The following KCND3 variants were observed in gnomAD, a reference collection of about 807,000 sequenced individuals.
The protein encoded by KCND3 is A-type voltage-gated potassium channel KCND3.
In KCND3, 9 loss-of-function variants were observed where a neutral mutation model predicts 51.1. The ratio of observed to expected loss-of-function variants is 0.18; its 90% CI spans 0.11 to 0.31. KCND3 has a LOEUF of 0.31. Ranked by LOEUF, KCND3 falls within the 10% of genes least tolerant of loss-of-function variation. KCND3 has a pLI of 1.00. For synonymous variants in KCND3, 349 were observed against 368.0 expected, an observed-to-expected ratio of 0.95 and a Z score of 0.59; for missense variants, 526 against 903.8, an observed-to-expected ratio of 0.58 and a Z score of 5.36.
At chr1:111,805,735 G>A (rs555689913) in intron 2 of KCND3, among the ~76,000 whole-genome samples, 89 of 152,302 alleles carry the variant, frequency 5.8e-4, no homozygotes, top group African/African-American at 1.9e-3. Flanking sequence ...CTAGGGGAGC[G>A]CCTAAGGAGA....
At chr1:111,814,566 G>A (rs375519701) in intron 2 of KCND3, among the ~76,000 whole-genome samples, 1 of 152,242 alleles carries the variant, frequency 6.6e-6, no homozygotes, top group African/African-American at 2.4e-5. Context: ...TTAACTGAGC[G>A]ATGAGTAACT....
At chr1:111,901,847 A>G (rs964139094) in intron 2 of KCND3, among the ~76,000 whole-genome samples, 25 of 152,110 alleles carry the variant, frequency 1.6e-4, no homozygotes, top group African/African-American at 6.0e-4. Flanking sequence ...CCCCACCCCA[A>G]GGTTCCCAGG....
chr1:111,841,166 C>T (rs1011884341), intron 2 of KCND3, among the ~76,000 whole-genome samples: 3 of 152,238 alleles, frequency 2.0e-5, no homozygotes, highest in African/African-American at 7.2e-5. Flanking sequence ...CAATTCCTTT[C>T]TGTCCTGTGC....
intron 2 of KCND3, among the ~76,000 whole-genome samples, chr1:111,896,547 T>C (rs1489544732): frequency 2.6e-5 from 4 of 152,328 alleles, no homozygotes; most frequent in East Asian, 3.9e-4. Flanking sequence ...GGCTGGAGGC[T>C]ACCTGTCAGC....
At chr1:111,971,463 C>T (rs190284909) in intron 2 of KCND3, among the ~76,000 whole-genome samples, 1 of 152,274 alleles carries the variant, frequency 6.6e-6, no homozygotes, top group Non-Finnish European at 1.5e-5. Flanking sequence ...TGTTCATAGA[C>T]AGCACCAAAG....
chr1:111,815,786 T>G (rs1195027389), intron 2 of KCND3, among the ~76,000 whole-genome samples: 1 of 152,102 alleles, frequency 6.6e-6, no homozygotes, highest in Non-Finnish European at 1.5e-5. Flanking sequence ...GTTGTGGTTT[T>G]CTTTGACATA....
At chr1:111,876,242 C>T (rs1291745019) in intron 2 of KCND3, among the ~76,000 whole-genome samples, 2 of 152,210 alleles carry the variant, frequency 1.3e-5, no homozygotes, top group African/African-American at 4.8e-5. Context: ...CCTCAGTTTC[C>T]ACATCTGCAA....
chr1:111,850,345 C>G (rs1667754564), intron 2 of KCND3, among the ~76,000 whole-genome samples: 2 of 152,182 alleles, frequency 1.3e-5, no homozygotes, highest in African/African-American at 4.8e-5. Flanking sequence ...ACCCCCACCC[C>G]AGTGTGCTTG....
Position 111,860,657 on chromosome 1 carries a change from G to A in KCND3, c.1107-73551C>T, listed in dbSNP as rs1668297556. ...CTGTGAAATCATAGTGACAGTTCCA[G>A]TTTAGTTCCCAGGATGAGCCTGCGA... On this transcript the variant is annotated intron_variant, in intron 2 of 7. Transcript: ENST00000302127. Among the ~76,000 whole-genome samples the A allele has an allele frequency of 2.0e-5, 3 of 152,168 alleles. No individual in the cohort carries two copies. The South Asian group carries it at 6.2e-4, about 32-fold the overall frequency.
chr1:111,932,376 T>TG (rs1402654656), intron 2 of KCND3, among the ~76,000 whole-genome samples: 3 of 152,200 alleles, frequency 2.0e-5, no homozygotes, highest in Middle Eastern at 3.2e-3. Flanking sequence ...CTGGGTCTCT[T>TG]GGGTTTTGTT....
At chr1:111,816,102 T>A (rs903414678) in intron 2 of KCND3, among the ~76,000 whole-genome samples, 13 of 152,374 alleles carry the variant, frequency 8.5e-5, no homozygotes, top group African/African-American at 3.1e-4. Flanking sequence ...GATACTTCCA[T>A]GTTACAGATG....
At chr1:111,868,422 CAGTGCCT>C in intron 2 of KCND3, among the ~76,000 whole-genome samples, 1 of 152,272 alleles carries the variant, frequency 6.6e-6, no homozygotes, top group South Asian at 2.1e-4. Flanking sequence ...CACAAGAGTA[CAGTGCCT>C]AGTTTATAAA....
intron 2 of KCND3, among the ~76,000 whole-genome samples, chr1:111,947,776 G>A (rs553838487): frequency 6.6e-6 from 1 of 152,158 alleles, no homozygotes; most frequent in African/African-American, 2.4e-5. Context: ...AACCTATATC[G>A]GTAGACCAGC....
intron 2 of KCND3, among the ~76,000 whole-genome samples, chr1:111,932,340 T>TCCA (rs1175189129): frequency 6.6e-6 from 1 of 152,228 alleles, no homozygotes; most frequent in East Asian, 1.9e-4. Context: ...CTTAACCAGC[T>TCCA]CCACCCTCTT....
Position 111,981,243 on chromosome 1 carries a change from C to T in KCND3, c.1106+378G>A, listed in dbSNP as rs921368699. On this transcript the variant is annotated intron_variant, in intron 2 of 7. Transcript: ENST00000302127. The surrounding 1 kb of genome is among the most constrained non-coding windows in gnomAD (Gnocchi z 6.2). ...TCCGAACTTCTCAACAGTCTCCTCCCTCCCCAACAACTGCCCTGACCTTCT... is the reference window on the plus strand; with the variant it reads ...TCCGAACTTCTCAACAGTCTCCTCCTTCCCCAACAACTGCCCTGACCTTCT... 1.2e-4 allele frequency among the ~76,000 whole-genome samples: 19 copies of T among 152,094 alleles called. No homozygotes were observed. Among genetic ancestry groups the T allele is most frequent in the African/African-American group, 1.7e-4 (7 of 41,416 alleles).
intron 2 of KCND3, among the ~76,000 whole-genome samples, chr1:111,895,156 G>A (rs1182841140): frequency 6.8e-6 from 1 of 148,142 alleles, no homozygotes; most frequent in African/African-American, 2.5e-5. Context: ...AGAAGGAGAA[G>A]GAAGGAGGGG....
chr1:111,858,651 G>C (rs1668201015), intron 2 of KCND3, among the ~76,000 whole-genome samples: 1 of 152,092 alleles, frequency 6.6e-6, no homozygotes. Context: ...CTGATGGATG[G>C]GTCAGTTCTG....
chr1:111,927,245 C>T (rs1254754908), intron 2 of KCND3, among the ~76,000 whole-genome samples: 1 of 152,156 alleles, frequency 6.6e-6, no homozygotes, highest in East Asian at 1.9e-4. Flanking sequence ...TATGGGGTGC[C>T]CACAGGCTGA....
intron 2 of KCND3, among the ~76,000 whole-genome samples, chr1:111,978,048 C>T (rs1012688087): frequency 6.6e-6 from 1 of 152,228 alleles, no homozygotes; most frequent in Non-Finnish European, 1.5e-5. Context: ...CAGGAGGCTG[C>T]ATAGAAAAGC....
Sources: allele counts gnomAD v4.1 joint callset (sites outside exome capture counted in the v4.1 genomes callset), GRCh38; gene constraint gnomAD v4.1.1; non-coding constraint Gnocchi (gnomAD v3.1); transcripts MANE v1.5; gene names NCBI Gene and HGNC (gene_info 2026-07-23, HGNC 2026-07-21).